EPHA6: variants seen among roughly 807,000 people sequenced by gnomAD.
The protein encoded by EPHA6 is EPH receptor A6, also known as ephrin type-A receptor 6.
A neutral mutation model predicts 112.0 loss-of-function variants in EPHA6; 50 were observed. The observed-to-expected ratio is 0.45, with a 90% CI of 0.36 to 0.56. The LOEUF is 0.56. Among genes scored for constraint, EPHA6 ranks in the 20% least tolerant of loss-of-function variants. The pLI, the probability that EPHA6 is intolerant of heterozygous loss-of-function variation, is 0.00. For synonymous variants in EPHA6, 529 were observed against 490.7 expected (o/e 1.08, Z -1.03); for missense variants, 1,280 against 1,417.4 (o/e 0.90, Z 1.56).
intron 5 of EPHA6, among the ~76,000 whole-genome samples, chr3:97,305,944 T>C (rs571784837): frequency 6.6e-6 from 1 of 151,960 alleles, no homozygotes; most frequent in Non-Finnish European, 1.5e-5. Context: ...GAAAATATTT[T>C]AAATTGTACA....
At chr3:96,922,857 T>C (rs575882679) in intron 2 of EPHA6, among the ~76,000 whole-genome samples, 2 of 152,174 alleles carry the variant, frequency 1.3e-5, no homozygotes, top group Non-Finnish European at 2.9e-5. Context: ...CAAGTTTCCA[T>C]GTGTTCCCAT....
rs906886871 is a variant in EPHA6, at chr3:97,026,792, T to A, written c.1114+38799T>A. On this transcript the variant is annotated intron_variant, in intron 3 of 17. Coordinates refer to ENST00000389672, the MANE Select transcript of EPHA6 (RefSeq NM_001080448.3). ...TTAAGAAGTAAAAAATAATAGATGC[T>A]AGCGAGGTTGTGGAGAAAAAAGAAA... Among the ~76,000 whole-genome samples the A allele has an allele frequency of 9.3e-4, 141 of 152,214 alleles. 1 individual carries two copies. The highest frequency in any genetic ancestry group is 3.4e-3 in the Middle Eastern group (1 of 294).
chr3:97,139,927 T>A (rs965402995), intron 3 of EPHA6, among the ~76,000 whole-genome samples: 5 of 151,134 alleles, frequency 3.3e-5, no homozygotes, highest in African/African-American at 9.7e-5. Context: ...ATAAGAAAAA[T>A]TTCCACAAAT....
chr3:97,584,442 G>A (rs374464864), intron 11 of EPHA6, among the ~76,000 whole-genome samples: 3 of 152,150 alleles, frequency 2.0e-5, no homozygotes, highest in African/African-American at 7.2e-5. Context: ...ATTGCTATTA[G>A]TCAGAGCTTT....
intron 5 of EPHA6, among the ~76,000 whole-genome samples, chr3:97,274,529 G>T (rs79433817): frequency 6.6e-6 from 1 of 152,126 alleles, no homozygotes; most frequent in Admixed American, 6.5e-5. Context: ...AATATGAAAG[G>T]CATATTTAGA....
chr3:97,615,428 A>C (rs1463651283), intron 13 of EPHA6, among the ~76,000 whole-genome samples: 1 of 152,154 alleles, frequency 6.6e-6, no homozygotes, highest in East Asian at 1.9e-4. Context: ...ACCTCCATAC[A>C]TAGCCCTGAA....
intron 3 of EPHA6, among the ~76,000 whole-genome samples, chr3:97,153,704 T>C (rs908970402): frequency 1.3e-5 from 2 of 152,162 alleles, no homozygotes; most frequent in Admixed American, 6.5e-5. Flanking sequence ...CTAAATGTAA[T>C]TGATTGTGCC....
chr3:97,211,853 A>G (rs1469513582), intron 3 of EPHA6, among the ~76,000 whole-genome samples: 1 of 152,204 alleles, frequency 6.6e-6, no homozygotes, highest in East Asian at 1.9e-4. Context: ...TCTAGTTTCA[A>G]AGGCCACATT....
At chr3:97,363,550 C>T (rs2084525924) in intron 5 of EPHA6, among the ~76,000 whole-genome samples, 1 of 151,720 alleles carries the variant, frequency 6.6e-6, no homozygotes, top group Admixed American at 6.6e-5. Flanking sequence ...ATGTATTTTA[C>T]TGTTTAAAAA....
In EPHA6 at chr3:97,592,622, G is replaced by A. The variant is rs751500179; in HGVS notation, c.2397G>A (p.Pro799=). 18 of 1,612,658 alleles carry A rather than the reference G, an allele frequency of 1.1e-5. No individual in the cohort carries two copies. The highest frequency in any genetic ancestry group is 4.5e-5 in the East Asian group (2 of 44,720). ...LEGVVTKRSF[P]AIGVEAFCPS... Reference sequence around the variant, plus strand: ...TTTATCTCTTAAAAGGATCCTTCCCGGCCATTGGGGTGGAGGCGTTTTGCC... The same window carrying A: ...TTTATCTCTTAAAAGGATCCTTCCCAGCCATTGGGGTGGAGGCGTTTTGCC... The change falls in exon 12 of 18, where the codon CCG becomes CCA. Residue 799 remains proline, a synonymous_variant. Coordinates refer to ENST00000389672, the MANE Select transcript of EPHA6 (RefSeq NM_001080448.3).
intron 1 of EPHA6, among the ~76,000 whole-genome samples, chr3:96,859,006 T>C (rs1472276758): frequency 6.6e-6 from 1 of 152,122 alleles, no homozygotes; most frequent in Admixed American, 6.6e-5. Context: ...ACAGTAGCCG[T>C]TTAAATTTTA....
intron 3 of EPHA6, among the ~76,000 whole-genome samples, chr3:97,035,796 A>G (rs190629278): frequency 6.6e-6 from 1 of 152,130 alleles, no homozygotes; most frequent in African/African-American, 2.4e-5. Context: ...ATGGTAAAAT[A>G]TATGATAGTG....
intron 5 of EPHA6, among the ~76,000 whole-genome samples, chr3:97,274,378 G>A (rs2079996056): frequency 1.3e-5 from 2 of 152,184 alleles, no homozygotes; most frequent in African/African-American, 2.4e-5. Context: ...CCTTTTGATG[G>A]CCTTTGCAGT....
At chr3:97,341,993 A>G (rs1346777812) in intron 5 of EPHA6, among the ~76,000 whole-genome samples, 1 of 152,192 alleles carries the variant, frequency 6.6e-6, no homozygotes. Flanking sequence ...TTGGATCTGA[A>G]TACATCAAAG....
intron 3 of EPHA6, among the ~76,000 whole-genome samples, chr3:97,014,305 C>CCGTCCTTT: frequency 6.6e-6 from 1 of 151,868 alleles, no homozygotes; most frequent in East Asian, 1.9e-4. Context: ...TCCTTCCTTT[C>CCGTCCTTT]CGTCCTTTCT....
intron 6 of EPHA6, among the ~76,000 whole-genome samples, chr3:97,421,229 A>G (rs758668502): frequency 6.6e-6 from 1 of 152,014 alleles, no homozygotes; most frequent in Non-Finnish European, 1.5e-5. Flanking sequence ...ATATGTTGTT[A>G]AAAAAACCCC....
intron 3 of EPHA6, among the ~76,000 whole-genome samples, chr3:97,146,575 T>G (rs76274129): frequency 0.013 from 2,047 of 152,026 alleles, 59 homozygotes; most frequent in African/African-American, 0.047. Context: ...CCATGACTCT[T>G]GTACTCTCTA....
At chr3:97,181,454 C>T (rs776721985) in intron 3 of EPHA6, among the ~76,000 whole-genome samples, 2 of 152,006 alleles carry the variant, frequency 1.3e-5, no homozygotes, top group Non-Finnish European at 2.9e-5. Flanking sequence ...TCTCTGCCCT[C>T]CTCCCTTTCC....
At chr3:97,419,314 CA>C (rs1257510881) in intron 6 of EPHA6, among the ~76,000 whole-genome samples, 1 of 144,202 alleles carries the variant, frequency 6.9e-6, no homozygotes, top group African/African-American at 2.9e-5. Flanking sequence ...AAAAAACAAA[CA>C]AACAAACAAA....
Sources: gnomAD v4.1 joint callset for allele counts (sites outside exome capture counted in the v4.1 genomes callset) on GRCh38, gnomAD v4.1.1 for gene constraint, MANE v1.5 for transcripts, NCBI Gene and HGNC (gene_info 2026-07-23, HGNC 2026-07-21) for gene names.